BLTP3A: variants seen among roughly 807,000 people sequenced by gnomAD.
The protein encoded by BLTP3A is ICBP90 binding protein 1.
chr6:34,854,339 A>G, the BLTP3A span, among the ~76,000 whole-genome samples: 1 of 152,160 alleles, frequency 6.6e-6, no homozygotes, highest in African/African-American at 2.4e-5. Flanking sequence ...TCATTTGCAT[A>G]TTTAATTTGA....
At chr6:34,836,454 T>C in the BLTP3A span, 2,330 of 1,143,044 alleles carry the variant, frequency 2.0e-3, 35 homozygotes, top group African/African-American at 0.025. Flanking sequence ...TGGAGTACTT[T>C]GGTTGGCTTC....
chr6:34,868,761 C>T, the BLTP3A span, among the ~76,000 whole-genome samples: 1 of 148,552 alleles, frequency 6.7e-6, no homozygotes, highest in Non-Finnish European at 1.5e-5. Context: ...TGTGGCGGTG[C>T]GTGCCTATAG....
the BLTP3A span, among the ~76,000 whole-genome samples, chr6:34,801,900 G>C: frequency 6.6e-6 from 1 of 151,914 alleles, no homozygotes; most frequent in African/African-American, 2.4e-5. Context: ...GCCACACCTG[G>C]CTAGTTTTTT....
chr6:34,822,037 C>A, the BLTP3A span: 1 of 1,551,082 alleles, frequency 6.4e-7, no homozygotes, highest in Non-Finnish European at 8.9e-7. Context: ...AAATGATAGG[C>A]TAACCCTTTT....
chr6:34,817,344 G>C, the BLTP3A span, among the ~76,000 whole-genome samples: 2 of 152,142 alleles, frequency 1.3e-5, no homozygotes, highest in Non-Finnish European at 2.9e-5. Context: ...TTGGTTCAGA[G>C]AATAAAGTTA....
At chr6:34,849,374 A>G in the BLTP3A span, among the ~76,000 whole-genome samples, 5 of 152,012 alleles carry the variant, frequency 3.3e-5, no homozygotes, top group African/African-American at 1.2e-4. Context: ...AACATCTTAT[A>G]CCCCATTATT....
At chr6:34,876,675 C>T in the BLTP3A span, 2 of 152,160 alleles carry the variant, frequency 1.3e-5, no homozygotes, top group African/African-American at 2.4e-5. Context: ...ATAGTCATTA[C>T]TAAGGGTTTC....
the BLTP3A span, among the ~76,000 whole-genome samples, chr6:34,802,141 C>T: frequency 1.9e-3 from 286 of 152,272 alleles, 1 homozygote; most frequent in African/African-American, 6.5e-3. Flanking sequence ...TGCTGTTACT[C>T]TTGGTATTGG....
the BLTP3A span, among the ~76,000 whole-genome samples, chr6:34,799,491 G>A: frequency 0.34 from 44,634 of 129,894 alleles, 7,614 homozygotes; most frequent in African/African-American, 0.55. Context: ...CCCTGTCTGG[G>A]AAAAAAAAAA....
the BLTP3A span, chr6:34,872,400 CAGG>C: frequency 6.2e-7 from 1 of 1,612,924 alleles, no homozygotes; most frequent in Admixed American, 1.7e-5. Flanking sequence ...AAAACTTCTT[CAGG>C]AGATTAGGAA....
At chr6:34,810,906 T>G in the BLTP3A span, among the ~76,000 whole-genome samples, 1 of 152,210 alleles carries the variant, frequency 6.6e-6, no homozygotes, top group African/African-American at 2.4e-5. Context: ...GTATAAACTT[T>G]AGGATAGTAA....
At chr6:34,815,984 A>G in the BLTP3A span, among the ~76,000 whole-genome samples, 4 of 152,344 alleles carry the variant, frequency 2.6e-5, no homozygotes, top group East Asian at 5.8e-4. Flanking sequence ...ATTAAGATCC[A>G]TGTGATCAGA....
At chr6:34,824,726 A>G in the BLTP3A span, among the ~76,000 whole-genome samples, 7 of 151,612 alleles carry the variant, frequency 4.6e-5, no homozygotes, top group South Asian at 1.0e-3. Flanking sequence ...GCTGGAGTGC[A>G]GTGGCACGAT....
At chr6:34,860,949 A>G in the BLTP3A span, among the ~76,000 whole-genome samples, 1 of 151,808 alleles carries the variant, frequency 6.6e-6, no homozygotes, top group Non-Finnish European at 1.5e-5. Context: ...CTTCTCCTGG[A>G]CTCCTCTATG....
At chr6:34,851,719 C>T in the BLTP3A span, among the ~76,000 whole-genome samples, 1 of 152,188 alleles carries the variant, frequency 6.6e-6, no homozygotes, top group Non-Finnish European at 1.5e-5. Context: ...TGAGCTTCCC[C>T]TAGCTCAGGG....
the BLTP3A span, chr6:34,856,983 G>T: frequency 6.3e-7 from 1 of 1,592,436 alleles, no homozygotes; most frequent in Middle Eastern, 1.7e-4. Context: ...TACTTGGAAG[G>T]CAGCTGGAAC....
At chr6:34,870,753 A>G in the BLTP3A span, 8 of 1,420,762 alleles carry the variant, frequency 5.6e-6, no homozygotes, top group African/African-American at 1.0e-4. Flanking sequence ...GAGAATGATG[A>G]TATTCCTTTG....
the BLTP3A span, chr6:34,856,304 A>C: frequency 6.2e-7 from 1 of 1,614,158 alleles, no homozygotes; most frequent in Non-Finnish European, 8.5e-7. Flanking sequence ...GTGGGCCCAG[A>C]AGCTGGTGAT....
chr6:34,850,365 A>C, the BLTP3A span, among the ~76,000 whole-genome samples: 21 of 152,120 alleles, frequency 1.4e-4, no homozygotes, highest in Non-Finnish European at 2.6e-4. Flanking sequence ...CTTGTATTCT[A>C]TAATCTTCTT....
Sources: allele counts gnomAD v4.1 joint callset (sites outside exome capture counted in the v4.1 genomes callset), GRCh38; gene constraint gnomAD v4.1.1; transcripts MANE v1.5; gene names NCBI Gene and HGNC (gene_info 2026-07-23, HGNC 2026-07-21).